DSP: variants seen among roughly 807,000 people sequenced by gnomAD.
DSP encodes the protein desmoplakin, also known as 250/210 kDa paraneoplastic pemphigus antigen.
Under a neutral mutation model 290.6 loss-of-function variants are expected in DSP, and 114 were observed. That is an observed-to-expected ratio of 0.39 (90% CI 0.34 to 0.46). The LOEUF is 0.46. DSP is among the 20% of genes least tolerant of loss of function. The pLI, the probability that DSP is intolerant of heterozygous loss-of-function variation, is 0.99. For missense variants in DSP, 3,230 were observed against 3,495.8 expected (o/e 0.92, Z 1.92); for synonymous variants, 1,311 against 1,316.4 (o/e 1.00, Z 0.09).
In DSP at chr6:7,580,272, G is replaced by A. The variant is rs1192768122; in HGVS notation, c.4082G>A (p.Ser1361Asn). 1 of 1,612,576 alleles carries A rather than the reference G, an allele frequency of 6.2e-7. No homozygotes were observed. Among genetic ancestry groups the A allele is most frequent in the Non-Finnish European group, 8.5e-7 (1 of 1,179,576 alleles). The change falls in exon 23 of 24, where the codon AGC becomes AAC. Residue 1361 changes from serine to asparagine, a missense_variant. By Grantham distance (46) the Ser-to-Asn change is conservative (BLOSUM62 1). This residue lies in a region of DSP where 1,714 missense variants were observed against 1,844.5 expected (regional missense o/e 0.93). Coordinates refer to ENST00000379802, the MANE Select transcript of DSP (RefSeq NM_004415.4). This position sits in a 1 kb window ranked among gnomAD's most constrained non-coding sequence, Gnocchi z 4.2. ...VRNNYDEEII[S>N]LKNQFETEIN... ...AACAATTATGATGAGGAGATCATTA[G>A]CTTAAAAAATCAGTTTGAGACCGAG...
intron 2 of DSP, among the ~76,000 whole-genome samples, chr6:7,556,829 C>T (rs1013160976): frequency 2.6e-5 from 4 of 152,148 alleles, no homozygotes; most frequent in Admixed American, 6.5e-5. Flanking sequence ...TGATTTGAAA[C>T]ATACTCCTTG....
In DSP at chr6:7,563,726, T is replaced by C; in HGVS notation, c.727-10T>C. On this transcript the variant is annotated splice_polypyrimidine_tract_variant and intron_variant, in intron 5 of 23. Coordinates refer to ENST00000379802, the MANE Select transcript of DSP (RefSeq NM_004415.4). Reference sequence around the variant, plus strand: ...GGATTTATATCTACCTGCTTTTTGTTGTCTTCTAGCGCGAGAAATCTGCGA... The same window carrying C: ...GGATTTATATCTACCTGCTTTTTGTCGTCTTCTAGCGCGAGAAATCTGCGA... 1 of 1,612,280 alleles carries C rather than the reference T, an allele frequency of 6.2e-7. No homozygotes were observed. Among genetic ancestry groups the C allele is most frequent in the Non-Finnish European group, 8.5e-7 (1 of 1,178,276 alleles).
intron 1 of DSP, among the ~76,000 whole-genome samples, chr6:7,553,637 G>A (rs888911194): frequency 3.9e-5 from 6 of 152,148 alleles, no homozygotes; most frequent in Non-Finnish European, 8.8e-5. Flanking sequence ...TTGGAATTCT[G>A]CACAAGTTAG....
At chr6:7,542,459 C>T (rs951633964) in intron 1 of DSP, among the ~76,000 whole-genome samples, 2 of 152,166 alleles carry the variant, frequency 1.3e-5, no homozygotes, top group South Asian at 2.1e-4. Context: ...AAAACCCAAC[C>T]TCTCCAACCG....
chr6:7,581,131 G>A lies in DSP; in HGVS notation c.4941G>A (p.Lys1647=). The A allele has an allele frequency of 6.2e-7, 1 of 1,614,136 alleles. No homozygotes were observed. The highest frequency in any genetic ancestry group is 8.5e-7 in the Non-Finnish European group (1 of 1,180,048). The change falls in exon 23 of 24, where the codon AAG becomes AAA. Residue 1647 remains lysine, a synonymous_variant. Coordinates refer to ENST00000379802, the MANE Select transcript of DSP (RefSeq NM_004415.4). ...RDVLDGHLRE[K]QRTQEELRRL... ...TGCTGGATGGCCACCTGAGGGAAAA[G>A]CAGAGGACCCAGGAAGAGCTGAGGA...
rs781351433 is a variant in DSP, at chr6:7,585,500, C to G, written c.8238C>G (p.Ser2746Arg). Residue 2746 changes from serine to arginine, a missense_variant, in exon 24 of 24, where the codon AGC becomes AGG. Coordinates refer to ENST00000379802, the MANE Select transcript of DSP (RefSeq NM_004415.4). Reference sequence around the variant, plus strand: ...ACCCGGAAGTGCATGGGAGGATAAGCACCGAAGAAGCCATCCGGAAGGGGT... The same window carrying G: ...ACCCGGAAGTGCATGGGAGGATAAGGACCGAAGAAGCCATCCGGAAGGGGT... ...LVDPEVHGRISTEEAIRKGFI... is the reference protein window; with the variant it reads ...LVDPEVHGRIRTEEAIRKGFI... 3 of 1,614,170 alleles carry G rather than the reference C, an allele frequency of 1.9e-6. No homozygotes were observed. The highest frequency in any genetic ancestry group is 2.2e-5 in the South Asian group (2 of 91,086).
intron 3 of DSP, among the ~76,000 whole-genome samples, chr6:7,558,852 G>T (rs1251393356): frequency 1.4e-4 from 21 of 152,008 alleles, no homozygotes; most frequent in Admixed American, 1.4e-3. Context: ...ATAAAAATGA[G>T]ACCCTTAGAG....
In DSP at chr6:7,565,283, T is replaced by G; in HGVS notation, c.778-76T>G. On this transcript the variant is annotated intron_variant, in intron 6 of 23. Coordinates refer to ENST00000379802, the MANE Select transcript of DSP (RefSeq NM_004415.4). The surrounding 1 kb of genome is among the most constrained non-coding windows in gnomAD (Gnocchi z 4.2). ...TTTTTTTTTTAAAGGGACCACAGGT[T>G]TAATCTTTAAACCTGCAGAGAACAC... 1 of 1,580,748 alleles carries G rather than the reference T, an allele frequency of 6.3e-7. No homozygotes were observed. The highest frequency in any genetic ancestry group is 1.1e-5 in the South Asian group (1 of 90,036).
rs79392064 is a variant in DSP at position 7,557,807 on chromosome 6, A to G, written c.274-309A>G. On this transcript the variant is annotated intron_variant, in intron 2 of 23. Coordinates refer to ENST00000379802, the MANE Select transcript of DSP (RefSeq NM_004415.4). Reference sequence around the variant, plus strand: ...ATAATGGTACAGTGTCCTTGTCACAATGAGATTCCCATTATATGAGACTTG... The same window carrying G: ...ATAATGGTACAGTGTCCTTGTCACAGTGAGATTCCCATTATATGAGACTTG... Among the ~76,000 whole-genome samples, 3,569 of 152,328 alleles carry G rather than the reference A, an allele frequency of 0.023. 134 individuals are homozygous for G. The highest frequency in any genetic ancestry group is 0.081 in the African/African-American group (3,370 of 41,564).
At chr6:7,568,697 A>C in intron 11 of DSP, 108 bp downstream of exon 11, 1 of 1,222,286 alleles carries the variant, frequency 8.2e-7, no homozygotes, top group Non-Finnish European at 1.2e-6. Flanking sequence ...CACCACAGTC[A>C]ATGTCTTTGA....
At chr6:7,555,473 G>T (rs1411942394) in intron 1 of DSP, among the ~76,000 whole-genome samples, 1 of 152,080 alleles carries the variant, frequency 6.6e-6, no homozygotes, top group Non-Finnish European at 1.5e-5. Flanking sequence ...GGGGGTAGAA[G>T]GGCATGGTTA....
At chr6:7,578,657 C>A in intron 22 of DSP, 95 bp downstream of exon 22, 1 of 991,710 alleles carries the variant, frequency 1.0e-6, no homozygotes, top group Non-Finnish European at 1.6e-6. Flanking sequence ...TGGACACATC[C>A]TGGTGAAACT....
chr6:7,576,294 G>A lies in DSP; in HGVS notation c.2631G>A (p.Arg877=), dbSNP rs1016835. 1,261,643 of 1,612,944 alleles carry A rather than the reference G, an allele frequency of 0.78. 495,137 individuals are homozygous for A. The highest frequency in any genetic ancestry group is 0.81 in the East Asian group (36,343 of 44,834). Reference sequence around the variant, plus strand: ...TTTTATTGTATCTATTTCCCCCCAGGTTATGGGACCTGGAGAAACAAATCA... The same window carrying A: ...TTTTATTGTATCTATTTCCCCCCAGATTATGGGACCTGGAGAAACAAATCA... ...WQRIDKQIDF[R]LWDLEKQIKQ... is the part of the protein sequence containing the mutation. The change falls in exon 19 of 24, where the codon AGG becomes AGA. Residue 877 remains arginine, a splice_region_variant and synonymous_variant. Coordinates refer to ENST00000379802, the MANE Select transcript of DSP (RefSeq NM_004415.4).
chr6:7,555,220 A>T (rs751393049), intron 1 of DSP, among the ~76,000 whole-genome samples: 1 of 152,182 alleles, frequency 6.6e-6, no homozygotes, highest in Non-Finnish European at 1.5e-5. Flanking sequence ...GGAGGGGAAA[A>T]CTTGCTGTGA....
In DSP at chr6:7,580,825, T is replaced by C. The variant is rs199682401; in HGVS notation, c.4635T>C (p.Val1545=). 4 of 1,614,110 alleles carry C rather than the reference T, an allele frequency of 2.5e-6. No homozygotes were observed. Among genetic ancestry groups the C allele is most frequent in the Non-Finnish European group, 3.4e-6 (4 of 1,180,032 alleles). ...LTRLRIDYER[V]SQERTVKDQD... Reference sequence around the variant, plus strand: ...GCCTGAGGATCGACTATGAAAGGGTTTCCCAGGAGAGGACTGTGAAGGACC... The same window carrying C: ...GCCTGAGGATCGACTATGAAAGGGTCTCCCAGGAGAGGACTGTGAAGGACC... The change falls in exon 23 of 24, where the codon GTT becomes GTC. Residue 1545 remains valine, a synonymous_variant. Transcript: ENST00000379802. This position sits in a 1 kb window ranked among gnomAD's most constrained non-coding sequence, Gnocchi z 4.2.
Position 7,576,287 on chromosome 6 carries a change from C to G in DSP, c.2631-7C>G, listed in dbSNP as rs1360834149. 6.2e-7 allele frequency: 1 copy of G among 1,612,798 alleles called. No homozygotes were observed. The highest frequency in any genetic ancestry group is 8.5e-7 in the Non-Finnish European group (1 of 1,178,950). ...ATAATGATTTTATTGTATCTATTTC[C>G]CCCCAGGTTATGGGACCTGGAGAAA... On this transcript the variant is annotated splice_polypyrimidine_tract_variant and splice_region_variant and intron_variant, in intron 18 of 23. Transcript: ENST00000379802.
chr6:7,553,141 A>AT (rs992733367), intron 1 of DSP, among the ~76,000 whole-genome samples: 3 of 151,200 alleles, frequency 2.0e-5, no homozygotes, highest in Non-Finnish European at 4.4e-5. Flanking sequence ...CCATCATTTT[A>AT]TTTTTTTTTA....
chr6:7,584,743 A>T lies in DSP; in HGVS notation c.7481A>T (p.Lys2494Ile). 1 of 1,614,236 alleles carries T rather than the reference A, an allele frequency of 6.2e-7. No homozygotes were observed. Among genetic ancestry groups the T allele is most frequent in the Non-Finnish European group, 8.5e-7 (1 of 1,180,052 alleles). ...GGCCTAATTGATTATGAAACCTTCA[A>T]AGAACTGTGTGAGCAGGAATGTGAA... is the stretch of plus-strand genomic sequence containing the variant. ...KKGLIDYETFKELCEQECEWE... is the reference protein window; with the variant it reads ...KKGLIDYETFIELCEQECEWE... The change falls in exon 24 of 24, where the codon AAA (lysine) becomes ATA (isoleucine). Residue 2494 changes from lysine (K) to isoleucine (I), a missense_variant. By Grantham distance (102) the Lys-to-Ile change is moderately radical. This residue lies in a region of DSP where 582 missense variants were observed against 555.4 expected (regional missense o/e 1.05). Coordinates refer to ENST00000379802, the MANE Select transcript of DSP (RefSeq NM_004415.4). This position sits in a 1 kb window ranked among gnomAD's most constrained non-coding sequence, Gnocchi z 6.4.
At chr6:7,552,805 C>G (rs940927958) in intron 1 of DSP, among the ~76,000 whole-genome samples, 1 of 151,864 alleles carries the variant, frequency 6.6e-6, no homozygotes. Flanking sequence ...ACAGAGCAAA[C>G]CCACCAATGT....
Sources: gnomAD v4.1 joint callset for allele counts (sites outside exome capture counted in the v4.1 genomes callset) on GRCh38, gnomAD v4.1.1 for gene constraint, gnomAD v4.1.1 regional missense constraint, Gnocchi (gnomAD v3.1) non-coding constraint, MANE v1.5 for transcripts, NCBI Gene and HGNC (gene_info 2026-07-23, HGNC 2026-07-21) for gene names.